The following ADAMTS12 variants were observed in gnomAD, a reference collection of about 807,000 sequenced individuals.
ADAMTS12 encodes ADAM metallopeptidase with thrombospondin type 1 motif 12.
ADAMTS12 carries 118 observed loss-of-function variants against 167.8 expected under a neutral mutation model. The ratio of observed to expected loss-of-function variants is 0.70; its 90% CI spans 0.61 to 0.82. The LOEUF is 0.82. Ranked by LOEUF, ADAMTS12 falls within the 40% of genes least tolerant of loss-of-function variation. The probability of loss-of-function intolerance (pLI) is 0.00; values close to 1 mark genes in which losing one functional copy is unlikely to be tolerated. For missense variants in ADAMTS12, 1,916 were observed against 1,998.8 expected, an observed-to-expected ratio of 0.96 and a Z score of 0.79; for synonymous variants, 704 against 716.9, an observed-to-expected ratio of 0.98 and a Z score of 0.29.
chr5:33,645,003 T>C (rs1740607427), intron 9 of ADAMTS12, among the ~76,000 whole-genome samples: 1 of 152,134 alleles, frequency 6.6e-6, no homozygotes, highest in Admixed American at 6.5e-5. Flanking sequence ...GTGCTGGGAT[T>C]ACAGGCGTAA....
chr5:33,722,446 C>A (rs1217108559), intron 3 of ADAMTS12, among the ~76,000 whole-genome samples: 2 of 152,114 alleles, frequency 1.3e-5, no homozygotes, highest in Admixed American at 6.6e-5. Flanking sequence ...TTATTATATG[C>A]CGATTTTACA....
At chr5:33,650,550 T>C (rs1047066920) in intron 7 of ADAMTS12, among the ~76,000 whole-genome samples, 2 of 152,236 alleles carry the variant, frequency 1.3e-5, no homozygotes, top group Admixed American at 6.5e-5. Flanking sequence ...GTGGTAAAAC[T>C]AGGTTTCAGA....
intron 1 of ADAMTS12, among the ~76,000 whole-genome samples, chr5:33,886,546 C>A (rs1199657041): frequency 1.3e-5 from 2 of 152,202 alleles, no homozygotes; most frequent in African/African-American, 4.8e-5. Context: ...CTGCTCTTGG[C>A]AAAGAGTATA....
intron 17 of ADAMTS12, among the ~76,000 whole-genome samples, chr5:33,590,898 CTTTTT>C (rs60630543): frequency 2.9e-5 from 4 of 137,844 alleles, no homozygotes; most frequent in African/African-American, 5.4e-5. Context: ...CTTCTTCTTC[CTTTTT>C]TTTTTTTTTT....
chr5:33,687,510 A>G (rs1240876255), intron 3 of ADAMTS12, among the ~76,000 whole-genome samples: 2 of 152,392 alleles, frequency 1.3e-5, no homozygotes, highest in East Asian at 3.9e-4. Flanking sequence ...TCTCCTGAAT[A>G]GAGACAAAGG....
chr5:33,827,557 G>A (rs530876657), intron 2 of ADAMTS12, among the ~76,000 whole-genome samples: 1 of 152,100 alleles, frequency 6.6e-6, no homozygotes, highest in East Asian at 1.9e-4. Flanking sequence ...TTATTATGCA[G>A]CAATAGAAAG....
At chr5:33,856,285 C>A (rs1019395084) in intron 2 of ADAMTS12, among the ~76,000 whole-genome samples, 2 of 152,174 alleles carry the variant, frequency 1.3e-5, no homozygotes, top group Non-Finnish European at 2.9e-5. Context: ...ATAACTCAGG[C>A]TTTGGAAAAC....
At chr5:33,838,009 TA>T (rs1748600046) in intron 2 of ADAMTS12, among the ~76,000 whole-genome samples, 1 of 150,368 alleles carries the variant, frequency 6.7e-6, no homozygotes, top group African/African-American at 2.5e-5. Flanking sequence ...ACAGCTCTCA[TA>T]TTTTTTTTTA....
chr5:33,545,253 T>G (rs1316325882), intron 22 of ADAMTS12, among the ~76,000 whole-genome samples: 1 of 152,066 alleles, frequency 6.6e-6, no homozygotes, highest in African/African-American at 2.4e-5. Flanking sequence ...AACAGACACA[T>G]GAAAAAATGC....
At position 33,733,059 on chromosome 5, in the gene ADAMTS12, ATAT is replaced by A. The variant is rs1196254453; in HGVS notation, c.634+18342_634+18344del. Among the ~76,000 whole-genome samples the A allele has an allele frequency of 4.0e-5, 6 of 151,746 alleles. No individual in the cohort carries two copies. In the East Asian group the frequency reaches 9.7e-4, roughly 24 times the overall value. On this transcript the variant is annotated intron_variant, in intron 3 of 23. Coordinates refer to ENST00000504830, the MANE Select transcript of ADAMTS12 (RefSeq NM_030955.4). ...TTTTTATCCAATATAACACTAAATT[ATAT>A]TATTTCATATCATATAAAATGTTAC...
At position 33,881,262 on chromosome 5, in the gene ADAMTS12, T is replaced by C. The variant is rs1236378258; in HGVS notation, c.346A>G (p.Ser116Gly). Residue 116 changes from serine to glycine, a missense_variant, in exon 2 of 24, where the codon AGC becomes GGC. Coordinates refer to ENST00000504830, the MANE Select transcript of ADAMTS12 (RefSeq NM_030955.4). ...CCATATCTCTTCTCCATGATGTAGC[T>C]ATTGGAAAGAAATCCTTGATTGACC... ...LTVNQGFLSN[S>G]YIMEKRYGNL... The C allele has an allele frequency of 5.0e-6, 8 of 1,614,032 alleles. No individual in the cohort carries two copies. The highest frequency in any genetic ancestry group is 6.8e-6 in the Non-Finnish European group (8 of 1,180,020).
chr5:33,535,263 C>T (rs1053647722), intron 22 of ADAMTS12, among the ~76,000 whole-genome samples: 4 of 152,162 alleles, frequency 2.6e-5, no homozygotes, highest in Non-Finnish European at 4.4e-5. Context: ...TTGAGAATGG[C>T]CTGATGCCTT....
intron 2 of ADAMTS12, among the ~76,000 whole-genome samples, chr5:33,838,434 G>A (rs2111582657): frequency 6.6e-6 from 1 of 152,330 alleles, no homozygotes; most frequent in South Asian, 2.1e-4. Context: ...TGTAATCCCA[G>A]CACTTTGGGA....
intron 3 of ADAMTS12, among the ~76,000 whole-genome samples, chr5:33,729,331 AG>A (rs1744094825): frequency 6.6e-6 from 1 of 152,234 alleles, no homozygotes; most frequent in Admixed American, 6.5e-5. Context: ...GATTGGTTAC[AG>A]GTATAAAGTT....
At position 33,708,920 on chromosome 5, in the gene ADAMTS12, A is replaced by G. The variant is rs1480795193; in HGVS notation, c.635-24865T>C. Among the ~76,000 whole-genome samples the G allele has an allele frequency of 2.0e-5, 3 of 152,138 alleles. No individual in the cohort carries two copies. The South Asian group carries it at 6.2e-4, about 32-fold the overall frequency. ...TATAACAAACCTGCACGTTCTGTACATGTATCCCAGAACTTAAAGTATACT... is the reference window on the plus strand; with the variant it reads ...TATAACAAACCTGCACGTTCTGTACGTGTATCCCAGAACTTAAAGTATACT... On this transcript the variant is annotated intron_variant, in intron 3 of 23. Coordinates refer to ENST00000504830, the MANE Select transcript of ADAMTS12 (RefSeq NM_030955.4).
intron 19 of ADAMTS12, among the ~76,000 whole-genome samples, chr5:33,569,861 G>A (rs942639069): frequency 2.6e-5 from 4 of 152,156 alleles, no homozygotes; most frequent in Non-Finnish European, 4.4e-5. Flanking sequence ...AAATTTAGAC[G>A]AATGTATAAC....
intron 3 of ADAMTS12, among the ~76,000 whole-genome samples, chr5:33,738,261 G>A (rs1579891214): frequency 6.6e-6 from 1 of 152,004 alleles, no homozygotes; most frequent in Non-Finnish European, 1.5e-5. Context: ...AACCAGGAGC[G>A]AGAGTGGAAA....
intron 3 of ADAMTS12, among the ~76,000 whole-genome samples, chr5:33,742,540 GC>G (rs1242029646): frequency 6.6e-6 from 1 of 152,054 alleles, no homozygotes; most frequent in African/African-American, 2.4e-5. Flanking sequence ...TGAGACCCTT[GC>G]CCCAGGTAAG....
chr5:33,758,829 A>C (rs563876371), intron 2 of ADAMTS12, among the ~76,000 whole-genome samples: 1 of 152,296 alleles, frequency 6.6e-6, no homozygotes, highest in Admixed American at 6.5e-5. Context: ...AGAAGGCACT[A>C]TATATGTCAG....
Sources: allele counts gnomAD v4.1 joint callset (sites outside exome capture counted in the v4.1 genomes callset), GRCh38; gene constraint gnomAD v4.1.1; transcripts MANE v1.5; gene names NCBI Gene and HGNC (gene_info 2026-07-23, HGNC 2026-07-21).